Variants in CCNT2 observed in about 807,000 individuals in gnomAD.
CCNT2 encodes the protein cyclin-T2.
A neutral mutation model predicts 70.0 loss-of-function variants in CCNT2; 18 were observed. The observed-to-expected ratio is 0.26, with a 90% CI of 0.18 to 0.38. CCNT2 has a LOEUF of 0.38. CCNT2 is among the 10% of genes least tolerant of loss of function. CCNT2 has a pLI of 1.00. For missense variants in CCNT2, 734 were observed against 890.2 expected (o/e 0.82, Z 2.23); for synonymous variants, 334 against 313.3 (o/e 1.07, Z -0.70).
chr2:134,941,771 A>C (rs1389481976), intron 4 of CCNT2, among the ~76,000 whole-genome samples: 1 of 152,252 alleles, frequency 6.6e-6, no homozygotes, highest in African/African-American at 2.4e-5. Context: ...TGTTTATGAC[A>C]TATTCTTAAG....
chr2:134,931,993 T>C (rs1680807498), intron 2 of CCNT2, among the ~76,000 whole-genome samples: 1 of 152,048 alleles, frequency 6.6e-6, no homozygotes, highest in African/African-American at 2.4e-5. Flanking sequence ...TTTTTTTCAT[T>C]TTTTCTTTTT....
chr2:134,935,763 C>T (rs1427317084), intron 2 of CCNT2, among the ~76,000 whole-genome samples: 1 of 151,562 alleles, frequency 6.6e-6, no homozygotes, highest in South Asian at 2.1e-4. Context: ...CTTTGTAGTG[C>T]TTGTGTTCTT....
intron 7 of CCNT2, among the ~76,000 whole-genome samples, chr2:134,949,401 A>G (rs1335651942): frequency 6.6e-6 from 1 of 152,216 alleles, no homozygotes; most frequent in Non-Finnish European, 1.5e-5. Flanking sequence ...GCCATAGGCA[A>G]TTTGTAACTG....
intron 2 of CCNT2, among the ~76,000 whole-genome samples, chr2:134,925,777 C>T (rs183842496): frequency 1.5e-4 from 22 of 150,382 alleles, no homozygotes; most frequent in African/African-American, 4.2e-4. Flanking sequence ...TTTGGTTTCT[C>T]TTGGGCTTAT....
In CCNT2 at chr2:134,954,550, G is replaced by A; in HGVS notation, c.2095G>A (p.Ala699Thr). The change falls in exon 9 of 9, where the codon GCC becomes ACC. Residue 699 changes from alanine to threonine, a missense_variant. Around this residue, in one of 3 missense-constraint regions of CCNT2, gnomAD observed 532 missense variants for 556.9 expected, o/e 0.96. Coordinates refer to ENST00000264157, the MANE Select transcript of CCNT2 (RefSeq NM_058241.3). ...GCCAGTGGAGACCAACGGTCCTGAT[G>A]CCAATCACGAGTACAGTACAAGCAG... ...KKPVETNGPDANHEYSTSSQH... is the reference protein window; with the variant it reads ...KKPVETNGPDTNHEYSTSSQH... The A allele has an allele frequency of 6.2e-7, 1 of 1,614,012 alleles. No homozygotes were observed. Among genetic ancestry groups the A allele is most frequent in the Non-Finnish European group, 8.5e-7 (1 of 1,179,856 alleles).
At chr2:134,925,301 T>G (rs1483928079) in intron 2 of CCNT2, among the ~76,000 whole-genome samples, 4 of 152,184 alleles carry the variant, frequency 2.6e-5, no homozygotes, top group Non-Finnish European at 5.9e-5. Flanking sequence ...AATTACTGGA[T>G]TTTTGCCCTT....
At chr2:134,941,476 G>GTT (rs1013226000) in intron 4 of CCNT2, among the ~76,000 whole-genome samples, 67 of 152,326 alleles carry the variant, frequency 4.4e-4, no homozygotes, top group African/African-American at 1.6e-3. Flanking sequence ...ATCAACGATA[G>GTT]TTAAGTCTTA....
At chr2:134,930,151 G>C (rs1226217620) in intron 2 of CCNT2, among the ~76,000 whole-genome samples, 1 of 152,124 alleles carries the variant, frequency 6.6e-6, no homozygotes, top group Non-Finnish European at 1.5e-5. Context: ...CAGTTCACCA[G>C]TCCCACTCCC....
chr2:134,948,458 T>C (rs1682167682), intron 7 of CCNT2, among the ~76,000 whole-genome samples: 1 of 152,240 alleles, frequency 6.6e-6, no homozygotes. Context: ...GTGTTAACTG[T>C]GAAGCAGTAA....
chr2:134,949,472 T>G (rs1485823872), intron 7 of CCNT2, among the ~76,000 whole-genome samples: 1 of 152,266 alleles, frequency 6.6e-6, no homozygotes, highest in Admixed American at 6.5e-5. Flanking sequence ...CCAGCCATAT[T>G]TGGCCAATTA....
intron 2 of CCNT2, among the ~76,000 whole-genome samples, chr2:134,931,260 A>ATGTTTTTTTTTTTTTTTTTTT (rs1351628226): frequency 2.3e-5 from 1 of 42,946 alleles, no homozygotes; most frequent in Non-Finnish European, 4.0e-5. Context: ...CCATGCCCGG[A>ATGTTTTTTTTTTTTTTTTTTT]TCTTTTTTTT....
chr2:134,953,050 TATAGCC>T (rs1239197441), intron 8 of CCNT2, 174 bp from the exon 9 acceptor site: 1 of 510,570 alleles, frequency 2.0e-6, no homozygotes, highest in Non-Finnish European at 3.4e-6. Flanking sequence ...TTCAATTTTT[TATAGCC>T]TTTTATGCCT....
At chr2:134,923,576 A>C (rs1411389953) in intron 2 of CCNT2, among the ~76,000 whole-genome samples, 1 of 152,252 alleles carries the variant, frequency 6.6e-6, no homozygotes, top group Non-Finnish European at 1.5e-5. Context: ...TGTGCTCTTC[A>C]ATGTAGTAGG....
At chr2:134,948,074 C>T (rs1302397164) in intron 7 of CCNT2, among the ~76,000 whole-genome samples, 175 bp downstream of exon 7, 1 of 152,078 alleles carries the variant, frequency 6.6e-6, no homozygotes, top group East Asian at 1.9e-4. Context: ...AATCCCAGCA[C>T]TGTAGGAGGC....
At chr2:134,945,114 C>G (rs1356955633) in intron 5 of CCNT2, 11 of 985,328 alleles carry the variant, frequency 1.1e-5, no homozygotes, top group Non-Finnish European at 8.4e-6. Context: ...TGCTTTGACA[C>G]TCTTCCTTAG....
In CCNT2 at chr2:134,919,921, C is replaced by T. The variant is rs1215419430; in HGVS notation, c.240+30C>T. 4 of 1,483,958 alleles carry T rather than the reference C, an allele frequency of 2.7e-6. No individual in the cohort carries two copies. The African/African-American group carries it at 5.6e-5, about 21-fold the overall frequency. 91.9% of individuals were successfully genotyped at this position (1,483,958 alleles called of 1,614,324 possible). A position where few individuals can be genotyped will look rare whatever the true frequency, so the allele number is the denominator to read the frequency against. ...GTACTAGTTGTCTGTTTTTACTGTC[C>T]GCAAATTTGAGGGTAAATCGATACG... On this transcript the variant is annotated intron_variant, in intron 2 of 8. Transcript: ENST00000264157.
At chr2:134,942,707 T>G in intron 5 of CCNT2, 33 bp downstream of exon 5, 1 of 1,547,154 alleles carries the variant, frequency 6.5e-7, no homozygotes, top group Non-Finnish European at 8.8e-7. Flanking sequence ...AAGATAAGTA[T>G]TAATGCTTTT....
At chr2:134,949,818 G>GGGGGC in intron 7 of CCNT2, among the ~76,000 whole-genome samples, 1 of 134,406 alleles carries the variant, frequency 7.4e-6, no homozygotes, top group African/African-American at 2.7e-5. Context: ...GGGGGTGGGG[G>GGGGGC]ACAGAGTCTC....
At chr2:134,934,048 T>C (rs934805542) in intron 2 of CCNT2, among the ~76,000 whole-genome samples, 3 of 152,216 alleles carry the variant, frequency 2.0e-5, no homozygotes, top group African/African-American at 7.2e-5. Context: ...ATTTGTATGA[T>C]ATATTTCTAT....
Sources: gnomAD v4.1 joint callset for allele counts (sites outside exome capture counted in the v4.1 genomes callset) on GRCh38, gnomAD v4.1.1 for gene constraint, gnomAD v4.1.1 regional missense constraint, MANE v1.5 for transcripts, NCBI Gene and HGNC (gene_info 2026-07-23, HGNC 2026-07-21) for gene names.